The following RBFOX1 variants were observed in gnomAD, a reference collection of about 807,000 sequenced individuals.
The protein encoded by RBFOX1 is RNA binding protein fox-1 homolog 1.
Under a neutral mutation model 57.7 loss-of-function variants are expected in RBFOX1, and 8 were observed. The observed-to-expected ratio is 0.14, with a 90% confidence interval of 0.08 to 0.25. The LOEUF (loss-of-function observed/expected upper bound fraction) is 0.25, where lower values mean the gene tolerates loss of function less well. Ranked by LOEUF, RBFOX1 falls within the 10% of genes least tolerant of loss-of-function variation. RBFOX1 has a pLI of 1.00. For missense variants in RBFOX1, 611 were observed against 548.5 expected, an observed-to-expected ratio of 1.11 and a Z score of -1.14; for synonymous variants, 326 against 222.4, an observed-to-expected ratio of 1.47 and a Z score of -4.15.
intron 4 of RBFOX1, among the ~76,000 whole-genome samples, chr16:7,095,840 T>C (rs1447063256): frequency 6.6e-6 from 1 of 151,830 alleles, no homozygotes; most frequent in African/African-American, 2.4e-5. Context: ...GTGAAACACC[T>C]TCTGTACTAA....
At chr16:7,169,769 C>T (rs929557230) in intron 4 of RBFOX1, among the ~76,000 whole-genome samples, 2 of 152,140 alleles carry the variant, frequency 1.3e-5, no homozygotes, top group African/African-American at 2.4e-5. Context: ...GGTATTTTCA[C>T]ATTTTAAAAA....
intron 4 of RBFOX1, among the ~76,000 whole-genome samples, chr16:6,009,577 C>A (rs191586183): frequency 6.6e-6 from 1 of 152,034 alleles, no homozygotes; most frequent in Non-Finnish European, 1.5e-5. Context: ...CAGAGACAGC[C>A]CTGCTAACAA....
chr16:5,306,577 G>A (rs955394516), intron 1 of RBFOX1, among the ~76,000 whole-genome samples: 15 of 152,096 alleles, frequency 9.9e-5, no homozygotes, highest in Non-Finnish European at 1.9e-4. Context: ...CAGATTGCTG[G>A]GATTACGGTG....
intron 4 of RBFOX1, among the ~76,000 whole-genome samples, chr16:5,903,259 G>C (rs1224597555): frequency 5.3e-5 from 8 of 152,128 alleles, no homozygotes; most frequent in African/African-American, 1.7e-4. Context: ...CTACCTTGTT[G>C]CTCTGACATA....
In RBFOX1 at chr16:7,226,167, C is replaced by T. The variant is rs535167769; in HGVS notation, c.27+174069C>T. ...CCTCCTTTACAATCATGAAAGGTAACATCCCAGGGATAACTCTCAGGTACC... is the reference window on the plus strand; with the variant it reads ...CCTCCTTTACAATCATGAAAGGTAATATCCCAGGGATAACTCTCAGGTACC... On this transcript the variant is annotated intron_variant, in intron 4 of 15. Coordinates refer to ENST00000550418, the MANE Select transcript of RBFOX1 (RefSeq NM_018723.4). 2.0e-5 allele frequency among the ~76,000 whole-genome samples: 3 copies of T among 152,258 alleles called. No homozygotes were observed. The South Asian group carries it at 6.2e-4, about 32-fold the overall frequency.
At chr16:6,929,966 T>C (rs1567933592) in intron 3 of RBFOX1, among the ~76,000 whole-genome samples, 1 of 152,206 alleles carries the variant, frequency 6.6e-6, no homozygotes, top group African/African-American at 2.4e-5. Context: ...GGAATCAGAA[T>C]GACTGGCAAA....
chr16:7,056,109 G>C (rs1412823555), intron 4 of RBFOX1, among the ~76,000 whole-genome samples: 1 of 152,104 alleles, frequency 6.6e-6, no homozygotes, highest in African/African-American at 2.4e-5. Flanking sequence ...GTGGGCAGCA[G>C]GCATGGGGCA....
intron 2 of RBFOX1, among the ~76,000 whole-genome samples, chr16:6,328,154 G>A (rs373990265): frequency 1.4e-4 from 21 of 152,300 alleles, no homozygotes; most frequent in African/African-American, 4.8e-4. Flanking sequence ...ACCTGGACGG[G>A]ATTGGAGACT....
At chr16:6,552,310 A>C (rs2097006489) in intron 2 of RBFOX1, among the ~76,000 whole-genome samples, 1 of 152,194 alleles carries the variant, frequency 6.6e-6, no homozygotes, top group African/African-American at 2.4e-5. Context: ...TCAGGAAACC[A>C]ATCATACCAG....
intron 3 of RBFOX1, among the ~76,000 whole-genome samples, chr16:5,660,675 T>C (rs149115592): frequency 5.2e-4 from 79 of 152,236 alleles, no homozygotes; most frequent in African/African-American, 1.9e-3. Context: ...TCCATAGAGA[T>C]AAAGTGCTTA....
chr16:6,790,275 C>T (rs1012006937), intron 3 of RBFOX1, among the ~76,000 whole-genome samples: 1 of 151,678 alleles, frequency 6.6e-6, no homozygotes, highest in African/African-American at 2.4e-5. Flanking sequence ...ACCTCTGCCT[C>T]CAGGGTTCCA....
chr16:6,811,021 C>A (rs1348733844), intron 3 of RBFOX1, among the ~76,000 whole-genome samples: 1 of 152,166 alleles, frequency 6.6e-6, no homozygotes. Context: ...AGTTACAGAA[C>A]ACACACAGAA....
chr16:6,852,406 T>C (rs996775845), intron 3 of RBFOX1, among the ~76,000 whole-genome samples: 1 of 152,210 alleles, frequency 6.6e-6, no homozygotes, highest in East Asian at 1.9e-4. Flanking sequence ...GGAAACTATT[T>C]CCTTACAAAG....
chr16:5,367,775 C>A (rs1394973147), intron 1 of RBFOX1, among the ~76,000 whole-genome samples: 2 of 152,114 alleles, frequency 1.3e-5, no homozygotes, highest in Non-Finnish European at 2.9e-5. Context: ...AGGGGAGATG[C>A]CTTGCCCATG....
At chr16:5,864,154 A>G (rs1191700005) in intron 3 of RBFOX1, among the ~76,000 whole-genome samples, 3 of 152,004 alleles carry the variant, frequency 2.0e-5, no homozygotes, top group Non-Finnish European at 1.5e-5. Context: ...GATATGCAGT[A>G]TTTGGTTTTC....
chr16:7,237,706 A>C (rs1178333740), intron 4 of RBFOX1, among the ~76,000 whole-genome samples: 1 of 152,210 alleles, frequency 6.6e-6, no homozygotes, highest in African/African-American at 2.4e-5. Context: ...TCAGCCTTAG[A>C]AATGAAGGAG....
chr16:5,664,467 A>G (rs780967601), intron 3 of RBFOX1, among the ~76,000 whole-genome samples: 10 of 152,096 alleles, frequency 6.6e-5, no homozygotes, highest in Admixed American at 1.3e-4. Context: ...CAATCAATTG[A>G]ACCCGGGAGG....
intron 3 of RBFOX1, among the ~76,000 whole-genome samples, chr16:5,731,945 T>G (rs1159360845): frequency 1.3e-5 from 2 of 152,216 alleles, no homozygotes; most frequent in African/African-American, 4.8e-5. Context: ...AGGTCCTCTC[T>G]CCTGCTGACC....
At chr16:7,605,399 G>C (rs969034528) in intron 9 of RBFOX1, among the ~76,000 whole-genome samples, 1 of 152,108 alleles carries the variant, frequency 6.6e-6, no homozygotes, top group Non-Finnish European at 1.5e-5. Context: ...TAAAAAGGGG[G>C]CCCAGGAATT....
Sources: allele counts gnomAD v4.1 joint callset (sites outside exome capture counted in the v4.1 genomes callset), GRCh38; gene constraint gnomAD v4.1.1; transcripts MANE v1.5; gene names NCBI Gene and HGNC (gene_info 2026-07-23, HGNC 2026-07-21).